TENM2: variants seen among roughly 807,000 people sequenced by gnomAD.
TENM2 encodes the protein teneurin-2.
In TENM2, 52 loss-of-function variants were observed where a neutral mutation model predicts 245.2. The observed-to-expected ratio is 0.21, with a 90% confidence interval of 0.17 to 0.27. The LOEUF is 0.27. TENM2 is among the 10% of genes least tolerant of loss of function. TENM2 has a pLI of 1.00. For synonymous variants in TENM2, 1,363 were observed against 1,438.9 expected, an observed-to-expected ratio of 0.95 and a Z score of 1.19; for missense variants, 3,046 against 3,666.8, an observed-to-expected ratio of 0.83 and a Z score of 4.37.
At chr5:167,649,944 A>T (rs1282224380) in intron 2 of TENM2, among the ~76,000 whole-genome samples, 1 of 152,208 alleles carries the variant, frequency 6.6e-6, no homozygotes, top group Non-Finnish European at 1.5e-5. Context: ...TAAAGCATGC[A>T]AACATTGAGA....
chr5:167,730,225 A>AGTT (rs1760324166), intron 2 of TENM2, among the ~76,000 whole-genome samples: 1 of 152,204 alleles, frequency 6.6e-6, no homozygotes, highest in Non-Finnish European at 1.5e-5. Flanking sequence ...GTTTCCAAAT[A>AGTT]GTTGTAGGAA....
intron 5 of TENM2, among the ~76,000 whole-genome samples, chr5:168,037,561 T>C (rs1461812029): frequency 3.6e-5 from 5 of 139,544 alleles, no homozygotes; most frequent in Non-Finnish European, 7.7e-5. Context: ...TTTGGCTAAT[T>C]TTATTAACAG....
chr5:167,596,415 T>C (rs981440145), intron 2 of TENM2, among the ~76,000 whole-genome samples: 2 of 152,156 alleles, frequency 1.3e-5, no homozygotes, highest in African/African-American at 4.8e-5. Flanking sequence ...TCCAAGAATG[T>C]CTTGAGCCAA....
chr5:168,165,267 A>T (rs535622402), intron 13 of TENM2: 6 of 152,288 alleles, frequency 3.9e-5, no homozygotes, highest in Admixed American at 1.3e-4. Context: ...TCAAGTCAGA[A>T]TCGCACGACT....
At chr5:168,179,590 G>T (rs927575479) in intron 13 of TENM2, among the ~76,000 whole-genome samples, 4 of 152,192 alleles carry the variant, frequency 2.6e-5, no homozygotes, top group Non-Finnish European at 4.4e-5. Context: ...AACATGTCAT[G>T]GCAGAGGGTA....
chr5:167,009,971 A>G, the TENM2 span, among the ~76,000 whole-genome samples: 1 of 152,202 alleles, frequency 6.6e-6, no homozygotes, highest in African/African-American at 2.4e-5. Context: ...CCAAAATATA[A>G]TTGAATTTTT....
intron 3 of TENM2, among the ~76,000 whole-genome samples, chr5:167,911,343 G>A (rs1048093427): frequency 5.3e-5 from 8 of 152,052 alleles, no homozygotes; most frequent in African/African-American, 1.9e-4. Flanking sequence ...TGGCTAACAC[G>A]GTGAAACCCC....
At chr5:167,449,685 C>CAT (rs1765461427) in intron 2 of TENM2, among the ~76,000 whole-genome samples, 3 of 151,090 alleles carry the variant, frequency 2.0e-5, no homozygotes, top group South Asian at 4.1e-4. Context: ...GGGCCAGGTG[C>CAT]AGTGGCTCAT....
intron 2 of TENM2, among the ~76,000 whole-genome samples, chr5:167,652,308 G>A (rs1754525415): frequency 1.3e-5 from 2 of 152,248 alleles, no homozygotes; most frequent in South Asian, 2.1e-4. Flanking sequence ...GTTTCTCACT[G>A]TACTATATTT....
intron 26 of TENM2, among the ~76,000 whole-genome samples, chr5:168,245,410 C>G (rs1455904220): frequency 1.3e-5 from 2 of 152,076 alleles, no homozygotes; most frequent in Non-Finnish European, 2.9e-5. Flanking sequence ...ATTAAGCCGT[C>G]AGGATGGGGA....
intron 9 of TENM2, among the ~76,000 whole-genome samples, chr5:168,107,259 G>A (rs1347056189): frequency 1.3e-5 from 2 of 151,922 alleles, no homozygotes; most frequent in African/African-American, 2.4e-5. Context: ...ATTAAGTTGT[G>A]GGAGCCACTG....
At chr5:167,783,610 C>T (rs1009815886) in intron 2 of TENM2, among the ~76,000 whole-genome samples, 1 of 152,210 alleles carries the variant, frequency 6.6e-6, no homozygotes, top group Non-Finnish European at 1.5e-5. Flanking sequence ...CTCCTCTGTT[C>T]ATTAGCCCAG....
At chr5:167,241,271 A>G in the TENM2 span, among the ~76,000 whole-genome samples, 1 of 152,316 alleles carries the variant, frequency 6.6e-6, no homozygotes, top group East Asian at 1.9e-4. Flanking sequence ...AAGTAAAACA[A>G]TGGCATGCAA....
chr5:168,029,838 G>A (rs1371159615), intron 5 of TENM2, among the ~76,000 whole-genome samples: 1 of 152,220 alleles, frequency 6.6e-6, no homozygotes, highest in Non-Finnish European at 1.5e-5. Context: ...AATGTGTGAT[G>A]TTGTGGGGAG....
At chr5:167,491,430 A>G (rs920095451) in intron 2 of TENM2, among the ~76,000 whole-genome samples, 29 of 152,096 alleles carry the variant, frequency 1.9e-4, no homozygotes, top group Non-Finnish European at 3.2e-4. Flanking sequence ...CATTCTTTCC[A>G]TCTGTAACAG....
At chr5:168,111,254 A>G (rs1431068159) in intron 9 of TENM2, among the ~76,000 whole-genome samples, 2 of 152,074 alleles carry the variant, frequency 1.3e-5, no homozygotes, top group Non-Finnish European at 2.9e-5. Flanking sequence ...TTAATGTGCC[A>G]TTTGACAGAA....
chr5:167,681,664 A>G (rs1756714729), intron 2 of TENM2, among the ~76,000 whole-genome samples: 1 of 152,106 alleles, frequency 6.6e-6, no homozygotes, highest in Non-Finnish European at 1.5e-5. Context: ...GTATATATGT[A>G]TGCATATCAT....
At chr5:167,599,012 A>G (rs1776420494) in intron 2 of TENM2, among the ~76,000 whole-genome samples, 1 of 151,882 alleles carries the variant, frequency 6.6e-6, no homozygotes, top group African/African-American at 2.4e-5. Context: ...AAATTTTTTT[A>G]GGCATTCTTT....
intron 2 of TENM2, among the ~76,000 whole-genome samples, chr5:167,819,112 A>G (rs143277576): frequency 2.4e-4 from 36 of 151,876 alleles, no homozygotes; most frequent in Non-Finnish European, 3.7e-4. Flanking sequence ...GCTACTCTTC[A>G]TTCATTTATT....
Sources: allele counts gnomAD v4.1 joint callset (sites outside exome capture counted in the v4.1 genomes callset), GRCh38; gene constraint gnomAD v4.1.1; transcripts MANE v1.5; gene names NCBI Gene and HGNC (gene_info 2026-07-23, HGNC 2026-07-21).